Variants in FARSB observed in about 807,000 individuals in gnomAD.
FARSB encodes phenylalanine--tRNA ligase beta subunit.
In FARSB, 40 loss-of-function variants were observed where a neutral mutation model predicts 69.6. The observed-to-expected ratio is 0.57, with a 90% CI of 0.45 to 0.75. FARSB has a LOEUF of 0.75. FARSB is among the 30% of genes least tolerant of loss of function. The pLI, the probability that FARSB is intolerant of heterozygous loss-of-function variation, is 0.00. For missense variants in FARSB, 632 were observed against 722.9 expected, an observed-to-expected ratio of 0.87 and a Z score of 1.44; for synonymous variants, 235 against 247.2, an observed-to-expected ratio of 0.95 and a Z score of 0.46.
intron 16 of FARSB, among the ~76,000 whole-genome samples, chr2:222,591,334 C>A (rs1330092847): frequency 6.6e-6 from 1 of 152,048 alleles, no homozygotes; most frequent in Non-Finnish European, 1.5e-5. Flanking sequence ...TTTCCAGTAT[C>A]CAGAAATGTC....
chr2:222,627,045 A>G (rs1421908887), intron 10 of FARSB, among the ~76,000 whole-genome samples: 1 of 151,048 alleles, frequency 6.6e-6, no homozygotes, highest in African/African-American at 2.5e-5. Flanking sequence ...CAAAAAAGAA[A>G]AAAGAAGAAG....
intron 5 of FARSB, among the ~76,000 whole-genome samples, chr2:222,638,727 C>T (rs1691645879): frequency 6.6e-6 from 1 of 152,106 alleles, no homozygotes; most frequent in Non-Finnish European, 1.5e-5. Flanking sequence ...TACTAAACTA[C>T]AATTATTAGC....
At chr2:222,582,463 G>A (rs749312762) in intron 16 of FARSB, among the ~76,000 whole-genome samples, 6 of 152,102 alleles carry the variant, frequency 3.9e-5, no homozygotes, top group African/African-American at 2.4e-5. Context: ...GGGAGGGAAC[G>A]GTGTGGAAGC....
chr2:222,614,019 G>A (rs1690934213), intron 14 of FARSB, 91 bp from the exon 15 acceptor site: 2 of 672,628 alleles, frequency 3.0e-6, no homozygotes, highest in Admixed American at 5.0e-5. Context: ...AAAGACTATG[G>A]CTTCATAGGA....
chr2:222,626,470 G>C (rs1035789445), intron 10 of FARSB, among the ~76,000 whole-genome samples: 2 of 151,920 alleles, frequency 1.3e-5, no homozygotes, highest in Admixed American at 6.6e-5. Flanking sequence ...ATGTGAGAAA[G>C]AATCAGTTTC....
chr2:222,601,709 T>A (rs1690565554), intron 15 of FARSB, among the ~76,000 whole-genome samples: 1 of 152,240 alleles, frequency 6.6e-6, no homozygotes, highest in Admixed American at 6.5e-5. Context: ...TTGCCCACCC[T>A]GGCGCAACCA....
intron 2 of FARSB, among the ~76,000 whole-genome samples, chr2:222,646,998 T>C (rs1425863385): frequency 6.6e-6 from 1 of 152,230 alleles, no homozygotes; most frequent in Admixed American, 6.5e-5. Flanking sequence ...TAGGTCTTTC[T>C]GAGAGAAGAA....
intron 2 of FARSB, among the ~76,000 whole-genome samples, chr2:222,645,615 CTTT>C (rs34378478): frequency 2.1e-5 from 3 of 144,296 alleles, no homozygotes; most frequent in Admixed American, 1.4e-4. Flanking sequence ...TAAAGTATGT[CTTT>C]TTTTTTTTTT....
Position 222,635,749 on chromosome 2 carries a change from A to G in FARSB, c.456-1208T>C, listed in dbSNP as rs375228032. Reference sequence around the variant, plus strand: ...TTTGAAAAGCAAAAGACAAACACACAGGCACACATACAAAAGACACCATAA... The same window carrying G: ...TTTGAAAAGCAAAAGACAAACACACGGGCACACATACAAAAGACACCATAA... On this transcript the variant is annotated intron_variant, in intron 5 of 16. Transcript: ENST00000281828. Among the ~76,000 whole-genome samples, 29 of 152,336 alleles carry G rather than the reference A, an allele frequency of 1.9e-4. No homozygotes were observed. In the South Asian group the frequency reaches 6.0e-3, roughly 32 times the overall value.
At chr2:222,594,877 G>A (rs1690370910) in intron 16 of FARSB, among the ~76,000 whole-genome samples, 1 of 152,192 alleles carries the variant, frequency 6.6e-6, no homozygotes, top group South Asian at 2.1e-4. Context: ...TAAAAACAAG[G>A]CAGGGCTAAG....
At position 222,644,418 on chromosome 2, in the gene FARSB, G is replaced by T. The variant is rs143209201; in HGVS notation, c.115-1413C>A. On this transcript the variant is annotated intron_variant, in intron 2 of 16. Transcript: ENST00000281828. The stretch of plus-strand genomic sequence containing the variant: ...GAGGAAGGAGTAAAAAGGGGGAAAA[G>T]AAAAGAAGGGGAATGGGGAGAGGCA... The T allele has an allele frequency of 1.5e-3, 548 of 373,956 alleles. 6 individuals carry two copies. In the Admixed American group the frequency reaches 0.015, roughly 10 times the overall value. 23.2% of individuals were successfully genotyped at this position (373,956 alleles called of 1,614,324 possible). A position where few individuals can be genotyped will look rare whatever the true frequency, so the allele number is the denominator to read the frequency against.
intron 2 of FARSB, among the ~76,000 whole-genome samples, chr2:222,647,617 A>C (rs1458556705): frequency 6.6e-6 from 1 of 152,236 alleles, no homozygotes; most frequent in African/African-American, 2.4e-5. Context: ...AAGCAGCCTC[A>C]GGTCCAAGAT....
intron 14 of FARSB, among the ~76,000 whole-genome samples, chr2:222,615,471 C>G (rs1486481748): frequency 6.6e-6 from 1 of 152,212 alleles, no homozygotes; most frequent in East Asian, 1.9e-4. Context: ...TGCCCTGACT[C>G]CCTCTCTACC....
chr2:222,595,531 T>C (rs1292386175), intron 16 of FARSB, among the ~76,000 whole-genome samples: 1 of 152,200 alleles, frequency 6.6e-6, no homozygotes, highest in East Asian at 1.9e-4. Flanking sequence ...TCACAAAATG[T>C]ATTCTGAGCA....
chr2:222,641,960 T>A (rs1225279628), intron 3 of FARSB, among the ~76,000 whole-genome samples: 9 of 152,022 alleles, frequency 5.9e-5, no homozygotes. Context: ...CAATTTTTAA[T>A]AGCTGTTCAT....
At chr2:222,615,578 T>C (rs1158114997) in intron 14 of FARSB, among the ~76,000 whole-genome samples, 1 of 152,160 alleles carries the variant, frequency 6.6e-6, no homozygotes, top group Non-Finnish European at 1.5e-5. Context: ...CCATGCTTAC[T>C]CTGCTCCTAC....
intron 5 of FARSB, among the ~76,000 whole-genome samples, chr2:222,637,764 T>A (rs1450024725): frequency 6.6e-6 from 1 of 152,030 alleles, no homozygotes; most frequent in Non-Finnish European, 1.5e-5. Context: ...AACAGGAGGA[T>A]CACTTAAAGC....
At chr2:222,631,553 T>TA (rs1691424503) in intron 8 of FARSB, 51 bp downstream of exon 8, 1 of 998,282 alleles carries the variant, frequency 1.0e-6, no homozygotes, top group African/African-American at 1.6e-5. Flanking sequence ...GGTCCGGAAA[T>TA]AAAATCTATC....
rs1021523737 is a variant in FARSB at position 222,569,138 on chromosome 2, G to A, written c.*2733C>T. 3 of 152,188 alleles carry A rather than the reference G, an allele frequency of 2.0e-5. No individual in the cohort carries two copies. Among genetic ancestry groups the A allele is most frequent in the Admixed American group, 6.5e-5 (1 of 15,280 alleles). The allele number at this position is 152,188 out of a possible 1,614,324, so 9.4% of individuals were successfully genotyped here. ...CGCTTCTTCCAATGCAGCCGACACT[G>A]TTTTTCTGCCTACCATTTCCTGCTT... is the stretch of plus-strand genomic sequence containing the variant. On this transcript the variant is annotated 3_prime_UTR_variant, in exon 17 of 17. Transcript: ENST00000281828.
Sources: gnomAD v4.1 joint callset for allele counts (sites outside exome capture counted in the v4.1 genomes callset) on GRCh38, gnomAD v4.1.1 for gene constraint, MANE v1.5 for transcripts, NCBI Gene and HGNC (gene_info 2026-07-23, HGNC 2026-07-21) for gene names.